Variants in SLC5A7 observed in about 807,000 individuals in gnomAD.
The protein encoded by SLC5A7 is high affinity choline transporter 1.
A neutral mutation model predicts 55.4 loss-of-function variants in SLC5A7; 19 were observed. The ratio of observed to expected loss-of-function variants is 0.34; its 90% CI spans 0.24 to 0.50. SLC5A7 has a LOEUF of 0.50. SLC5A7 is among the 20% of genes least tolerant of loss of function. SLC5A7 has a pLI of 0.98. For synonymous variants in SLC5A7, 265 were observed against 263.7 expected, an observed-to-expected ratio of 1.00 and a Z score of -0.05; for missense variants, 506 against 705.3, an observed-to-expected ratio of 0.72 and a Z score of 3.20.
chr2:107,988,393 C>A, intron 2 of SLC5A7, 60 bp downstream of exon 2: 1 of 1,494,502 alleles, frequency 6.7e-7, no homozygotes, highest in Non-Finnish European at 9.1e-7. Context: ...TGTGAGTGTG[C>A]AGCGTGTGGC....
At chr2:107,988,050 C>T (rs571008511) in intron 1 of SLC5A7, 55 bp from the exon 2 acceptor site, 1 of 1,168,388 alleles carries the variant, frequency 8.6e-7, no homozygotes, top group Non-Finnish European at 1.2e-6. Flanking sequence ...TTCCTGGCTG[C>T]CTACATGTGC....
At chr2:108,006,252 C>T in intron 7 of SLC5A7, 50 bp downstream of exon 7, 1 of 1,602,230 alleles carries the variant, frequency 6.2e-7, no homozygotes, top group East Asian at 2.2e-5. Context: ...TACCAATCCC[C>T]ACCCAGACAC....
At chr2:107,999,005 G>A (rs1352435392) in intron 5 of SLC5A7, among the ~76,000 whole-genome samples, 1 of 151,950 alleles carries the variant, frequency 6.6e-6, no homozygotes, top group Non-Finnish European at 1.5e-5. Flanking sequence ...ATATCCTAGA[G>A]GAAAAATTGT....
Position 108,010,877 on chromosome 2 carries a change from A to T in SLC5A7, c.*16A>T. The stretch of plus-strand genomic sequence containing the variant: ...TTTACAGTGACCCCATCTAAATAAA[A>T]TACTGCTTTTGCAAACAGAACACTG... On this transcript the variant is annotated 3_prime_UTR_variant, in exon 9 of 9. Transcript: ENST00000264047. 6.5e-7 allele frequency: 1 copy of T among 1,544,884 alleles called. No homozygotes were observed. Among genetic ancestry groups the T allele is most frequent in the Non-Finnish European group, 8.6e-7 (1 of 1,156,514 alleles).
chr2:108,012,173 G>C lies in SLC5A7; in HGVS notation c.*1312G>C, dbSNP rs973799783. ...CACATACACACTCATACGTGTGTGTGTGTGTATGTGTGTGTGTGTATGTGT... is the reference window on the plus strand; with the variant it reads ...CACATACACACTCATACGTGTGTGTCTGTGTATGTGTGTGTGTGTATGTGT... On this transcript the variant is annotated 3_prime_UTR_variant, in exon 9 of 9. Transcript: ENST00000264047. 4.6e-5 allele frequency: 7 copies of C among 152,282 alleles called. No individual in the cohort carries two copies. Among genetic ancestry groups the C allele is most frequent in the Non-Finnish European group, 8.8e-5 (6 of 67,956 alleles). The allele number at this position is 152,282 out of a possible 1,614,324, so 9.4% of individuals were successfully genotyped here. A position where few individuals can be genotyped will look rare whatever the true frequency, so the allele number is the denominator to read the frequency against.
chr2:108,009,298 T>G (rs1028702557), intron 8 of SLC5A7, among the ~76,000 whole-genome samples: 4 of 152,154 alleles, frequency 2.6e-5, no homozygotes, highest in African/African-American at 9.7e-5. Context: ...TTTTTTTAAT[T>G]AACCAAAGGA....
At chr2:107,996,810 A>C (rs1419217828) in intron 4 of SLC5A7, among the ~76,000 whole-genome samples, 1 of 152,194 alleles carries the variant, frequency 6.6e-6, no homozygotes, top group Non-Finnish European at 1.5e-5. Flanking sequence ...TTGATGATGA[A>C]AATTACTTAA....
chr2:107,990,103 A>G (rs1677394041), intron 2 of SLC5A7, among the ~76,000 whole-genome samples: 1 of 152,224 alleles, frequency 6.6e-6, no homozygotes, highest in South Asian at 2.1e-4. Flanking sequence ...AAGAATAGAG[A>G]TAAAAAATGT....
At chr2:107,996,443 T>C (rs1363171950) in intron 4 of SLC5A7, among the ~76,000 whole-genome samples, 1 of 152,192 alleles carries the variant, frequency 6.6e-6, no homozygotes, top group Non-Finnish European at 1.5e-5. Context: ...CAACACATCT[T>C]ATATTGAGAT....
chr2:108,011,005 A>T lies in SLC5A7; in HGVS notation c.*144A>T, dbSNP rs1367946771. 2.4e-6 allele frequency: 2 copies of T among 841,056 alleles called. No homozygotes were observed. The highest frequency in any genetic ancestry group is 3.3e-6 in the Non-Finnish European group (2 of 598,668). The allele number at this position is 841,056 out of a possible 1,614,324, so 52.1% of individuals were successfully genotyped here. On this transcript the variant is annotated 3_prime_UTR_variant, in exon 9 of 9. Coordinates refer to ENST00000264047, the MANE Select transcript of SLC5A7 (RefSeq NM_021815.5). ...AAATTCATATAAAGTGCAATTGCAC[A>T]AATACAAGCCAAGCTAGAAGGAAGC...
chr2:108,005,583 A>G (rs1055157878), intron 6 of SLC5A7, among the ~76,000 whole-genome samples: 4 of 152,236 alleles, frequency 2.6e-5, no homozygotes, highest in African/African-American at 9.6e-5. Context: ...GTAACAAAGC[A>G]TCATAAACGG....
At chr2:108,001,665 T>C (rs1677907839) in intron 5 of SLC5A7, among the ~76,000 whole-genome samples, 2 of 120,434 alleles carry the variant, frequency 1.7e-5, no homozygotes, top group Admixed American at 1.0e-4. Context: ...AGAGCGAGAC[T>C]CCGTCTCAAA....
At chr2:107,992,640 C>T (rs746707535) in intron 3 of SLC5A7, among the ~76,000 whole-genome samples, 12 of 152,130 alleles carry the variant, frequency 7.9e-5, no homozygotes, top group Non-Finnish European at 1.2e-4. Context: ...TTTATTGAAT[C>T]TGTGCTTATT....
At chr2:107,998,069 A>G in intron 5 of SLC5A7, 83 bp downstream of exon 5, 4 of 1,324,612 alleles carry the variant, frequency 3.0e-6, no homozygotes, top group Non-Finnish European at 4.0e-6. Flanking sequence ...AAATGAGTAG[A>G]AATATTATTT....
chr2:108,010,517 C>T lies in SLC5A7; in HGVS notation c.1399C>T (p.Pro467Ser). ...CTTGATCTTCTACCCTGGCTATTAC[C>T]CTGATGATAATGGTATATATAATCA... ...QPLIFYPGYY[P>S]DDNGIYNQKF... Residue 467 changes from proline to serine, a missense_variant, in exon 9 of 9, where the codon CCT becomes TCT. Around this residue, in one of 4 missense-constraint regions of SLC5A7, gnomAD observed 137 missense variants for 143.6 expected, o/e 0.95. Transcript: ENST00000264047. The T allele has an allele frequency of 1.2e-6, 2 of 1,613,864 alleles. No homozygotes were observed. Among genetic ancestry groups the T allele is most frequent in the Non-Finnish European group, 8.5e-7 (1 of 1,179,900 alleles).
rs1187935057 is a variant in SLC5A7 at position 108,007,651 on chromosome 2, G to A, written c.896-814G>A. 2.0e-5 allele frequency among the ~76,000 whole-genome samples: 3 copies of A among 152,122 alleles called. No individual in the cohort carries two copies. The East Asian group carries it at 5.8e-4, about 29-fold the overall frequency. Reference sequence around the variant, plus strand: ...CACAAAGTTGCCTGCATGTAAGCAGGCTTTGGTGACAATTGTAATAGAAAA... The same window carrying A: ...CACAAAGTTGCCTGCATGTAAGCAGACTTTGGTGACAATTGTAATAGAAAA... On this transcript the variant is annotated intron_variant, in intron 7 of 8. Coordinates refer to ENST00000264047, the MANE Select transcript of SLC5A7 (RefSeq NM_021815.5).
Position 108,000,925 on chromosome 2 carries a change from CTTTT to C in SLC5A7, c.598-954_598-951del, listed in dbSNP as rs1170263457. On this transcript the variant is annotated intron_variant, in intron 5 of 8. Transcript: ENST00000264047. ...TATTTATTTATTTTTTAATACAATTCTTTTTTTTTTTTTTTTTTTTTGAGATGGA... is the reference window on the plus strand; with the variant it reads ...TATTTATTTATTTTTTAATACAATTCTTTTTTTTTTTTTTTTTGAGATGGA... Among the ~76,000 whole-genome samples the C allele has an allele frequency of 2.7e-5, 3 of 112,502 alleles. No individual in the cohort carries two copies. The East Asian group carries it at 7.8e-4, about 29-fold the overall frequency. 73.8% of individuals were successfully genotyped at this position (112,502 alleles called of 152,430 possible).
intron 2 of SLC5A7, among the ~76,000 whole-genome samples, chr2:107,991,686 A>C (rs1191985622): frequency 6.6e-6 from 1 of 152,184 alleles, no homozygotes; most frequent in African/African-American, 2.4e-5. Flanking sequence ...AGGGCCTTGA[A>C]ATAAAGAAAA....
intron 4 of SLC5A7, among the ~76,000 whole-genome samples, chr2:107,996,706 C>A (rs1277053900): frequency 6.6e-6 from 1 of 152,128 alleles, no homozygotes; most frequent in Non-Finnish European, 1.5e-5. Context: ...GGTCATACCT[C>A]AATATGTTCA....
Sources: allele counts gnomAD v4.1 joint callset (sites outside exome capture counted in the v4.1 genomes callset), GRCh38; gene constraint gnomAD v4.1.1; regional missense constraint gnomAD v4.1.1; transcripts MANE v1.5; gene names NCBI Gene and HGNC (gene_info 2026-07-23, HGNC 2026-07-21).